The following SLC5A9 variants were observed in gnomAD, a reference collection of about 807,000 sequenced individuals.
SLC5A9 encodes the protein solute carrier family 5 member 9.
SLC5A9 carries 59 observed loss-of-function variants against 70.9 expected under a neutral mutation model. The ratio of observed to expected loss-of-function variants is 0.83; its 90% CI spans 0.68 to 1.03. SLC5A9 has a LOEUF of 1.03. Ranked by LOEUF, SLC5A9 falls within the 50% of genes least tolerant of loss-of-function variation. The pLI is 0.00. For missense variants in SLC5A9, 832 were observed against 881.1 expected, an observed-to-expected ratio of 0.94 and a Z score of 0.71; for synonymous variants, 340 against 346.5, an observed-to-expected ratio of 0.98 and a Z score of 0.21.
Position 48,235,721 on chromosome 1 carries a change from C to T in SLC5A9, c.1142-8C>T, listed in dbSNP as rs745755071. 6.2e-7 allele frequency: 1 copy of T among 1,614,208 alleles called. No individual in the cohort carries two copies. Among genetic ancestry groups the T allele is most frequent in the Admixed American group, 1.7e-5 (1 of 60,032 alleles). On this transcript the variant is annotated splice_region_variant and splice_polypyrimidine_tract_variant and intron_variant, in intron 9 of 13. Coordinates refer to ENST00000438567, the MANE Select transcript of SLC5A9 (RefSeq NM_001011547.3). ...CCAGCCGTTCACATGAGCCTCGTCT[C>T]TCCCCAGGTCTGCGGGGGCTGATGA... is the stretch of plus-strand genomic sequence containing the variant.
In SLC5A9 at chr1:48,227,229, AGT is replaced by A. The variant is rs747060879; in HGVS notation, c.235-1612_235-1611del. On this transcript the variant is annotated intron_variant, in intron 2 of 13. Coordinates refer to ENST00000438567, the MANE Select transcript of SLC5A9 (RefSeq NM_001011547.3). ...GAGTGCATGTGTGTGTGCATGTGTG[AGT>A]GTGTGTGTACTGTGCCTGTGTGTGA... 6.2e-3 allele frequency among the ~76,000 whole-genome samples: 593 copies of A among 96,042 alleles called. 6 individuals are homozygous for A. Among genetic ancestry groups the A allele is most frequent in the Admixed American group, 0.012 (122 of 9,852 alleles). The allele number at this position is 96,042 out of a possible 152,430, so 63.0% of individuals were successfully genotyped here. A position where few individuals can be genotyped will look rare whatever the true frequency, so the allele number is the denominator to read the frequency against.
At chr1:48,238,178 AG>A (rs1644353085) in intron 11 of SLC5A9, among the ~76,000 whole-genome samples, 1 of 152,160 alleles carries the variant, frequency 6.6e-6, no homozygotes, top group African/African-American at 2.4e-5. Flanking sequence ...GGCTCCTGGG[AG>A]GAGTCAGGTA....
chr1:48,229,162 TG>T (rs1213150358), intron 3 of SLC5A9, 132 bp from the exon 4 acceptor site: 2 of 1,613,792 alleles, frequency 1.2e-6, no homozygotes, highest in Non-Finnish European at 1.7e-6. Flanking sequence ...ACGGGAGGAC[TG>T]GGGTCAGGTC....
At position 48,228,911 on chromosome 1, in the gene SLC5A9, CAG is replaced by C; in HGVS notation, c.297_298del (p.Ala101CysfsTer69). 1 of 1,613,622 alleles carries C rather than the reference CAG, an allele frequency of 6.2e-7. No individual in the cohort carries two copies. Among genetic ancestry groups the C allele is most frequent in the Non-Finnish European group, 8.5e-7 (1 of 1,180,006 alleles). On this transcript the variant is annotated frameshift_variant, in exon 3 of 14. Transcript: ENST00000438567. LOFTEE classifies it high-confidence loss of function. ...GGCTTGTTCATCGGCCTGGCTGGGA[CAG>C]GGGCTGCCGGAGGCCTTGCCGTAGG...
intron 11 of SLC5A9, among the ~76,000 whole-genome samples, chr1:48,238,975 A>G: frequency 6.6e-6 from 1 of 152,198 alleles, no homozygotes; most frequent in East Asian, 1.9e-4. Context: ...TTGAATATTA[A>G]CCATCTGTTA....
Position 48,231,607 on chromosome 1 carries a change from C to T in SLC5A9, c.673C>T (p.Leu225=). Residue 225 remains leucine (L), a synonymous_variant, in exon 6 of 14, where the codon CTG becomes TTG. Transcript: ENST00000438567. ...GACGGTGATCATGGTAGGGGGAGCC[C>T]TGGTCCTCATGTTTCTGGGTAAGGA... is the stretch of plus-strand genomic sequence containing the variant. ...LQTVIMVGGA[L]VLMFLGFQDV... The T allele has an allele frequency of 6.2e-7, 1 of 1,614,144 alleles. No individual in the cohort carries two copies.
In SLC5A9 at chr1:48,242,579, G is replaced by A. The variant is rs369610916; in HGVS notation, c.1800G>A (p.Ala600=). 180 of 1,612,762 alleles carry A rather than the reference G, an allele frequency of 1.1e-4. 1 individual carries two copies. The highest frequency in any genetic ancestry group is 1.2e-4 in the Non-Finnish European group (147 of 1,179,494). Residue 600 remains alanine (A), a synonymous_variant, in exon 13 of 14, where the codon GCG becomes GCA. Transcript: ENST00000438567. ...GGGAGTGCCCTGCAGGAGGTGGAGC[G>A]GCAGAGAACTCGAGCCTGGGCCAGG... is the stretch of plus-strand genomic sequence containing the variant. ...PAGECPAGGG[A]AENSSLGQEQ... is the part of the protein sequence containing the mutation.
At position 48,235,884 on chromosome 1, in the gene SLC5A9, G is replaced by A. The variant is rs766859449; in HGVS notation, c.1292+5G>A. The A allele has an allele frequency of 4.1e-5, 66 of 1,613,944 alleles. No homozygotes were observed. The highest frequency in any genetic ancestry group is 4.9e-5 in the Non-Finnish European group (58 of 1,179,986). On this transcript the variant is annotated splice_donor_5th_base_variant and intron_variant, in intron 10 of 13. Coordinates refer to ENST00000438567, the MANE Select transcript of SLC5A9 (RefSeq NM_001011547.3). ...GGAGCTGATGGTGGTGGGCAGGTGC[G>A]CCGGCCCCTCCTTCCCTCCTTCCGA...
chr1:48,229,522 A>G, intron 4 of SLC5A9, 63 bp downstream of exon 4: 2 of 1,588,244 alleles, frequency 1.3e-6, no homozygotes, highest in Non-Finnish European at 1.7e-6. Flanking sequence ...TGCTGAGTGC[A>G]TCACCATGTG....
At position 48,239,680 on chromosome 1, in the gene SLC5A9, G is replaced by A. The variant is rs2148584527; in HGVS notation, c.1677+143G>A. 9.5e-6 allele frequency: 7 copies of A among 740,636 alleles called. No individual in the cohort carries two copies. In the South Asian group the frequency reaches 1.2e-4, roughly 13 times the overall value. 45.9% of individuals were successfully genotyped at this position (740,636 alleles called of 1,614,324 possible). A position where few individuals can be genotyped will look rare whatever the true frequency, so the allele number is the denominator to read the frequency against. On this transcript the variant is annotated intron_variant, in intron 12 of 13. Transcript: ENST00000438567. The surrounding 1 kb of genome is among the most constrained non-coding windows in gnomAD (Gnocchi z 4.2). ...TGTCCTTGGGAGGGAAAGTGCCTTG[G>A]GCTATGAATTCCCCATTGAAAAGTA... is the stretch of plus-strand genomic sequence containing the variant.
intron 8 of SLC5A9, among the ~76,000 whole-genome samples, chr1:48,233,082 G>A (rs980877358): frequency 1.3e-4 from 20 of 151,914 alleles, no homozygotes; most frequent in African/African-American, 3.4e-4. Flanking sequence ...AGAAAAGAAG[G>A]CCAGGCATGG....
chr1:48,230,702 G>C lies in SLC5A9; in HGVS notation c.607G>C (p.Ala203Pro). Residue 203 changes from alanine (A) to proline (P), a missense_variant, in exon 5 of 14, where the codon GCA becomes CCA. Physicochemically the swap from Ala to Pro is conservative, Grantham distance 27 (BLOSUM62 -1). Transcript: ENST00000438567. The stretch of plus-strand genomic sequence containing the variant: ...GGTGGTGACTGCCGTCTACACCATT[G>C]CAGGTAGGCAGAGGGAAGAGGGCAA... ...LLVVTAVYTI[A>P]GGLMAVIYTD... The C allele has an allele frequency of 6.2e-7, 1 of 1,611,966 alleles. No homozygotes were observed. The highest frequency in any genetic ancestry group is 1.1e-5 in the South Asian group (1 of 91,024).
intron 4 of SLC5A9, 21 bp downstream of exon 4, chr1:48,229,480 G>A (rs1331696931): frequency 2.5e-6 from 4 of 1,612,116 alleles, no homozygotes; most frequent in South Asian, 1.1e-5. Flanking sequence ...CTGCAATGTG[G>A]TCACTGTGTC....
In SLC5A9 at chr1:48,247,696, C is replaced by T; in HGVS notation, c.*153C>T. 1 of 715,596 alleles carries T rather than the reference C, an allele frequency of 1.4e-6. No individual in the cohort carries two copies. Among genetic ancestry groups the T allele is most frequent in the Non-Finnish European group, 2.4e-6 (1 of 424,872 alleles). The allele number at this position is 715,596 out of a possible 1,614,324, so 44.3% of individuals were successfully genotyped here. ...TGAAGAGAATCCAACTCAACCTGCA[C>T]ACTTGACAAGTGGAGAAACAGAAGC... On this transcript the variant is annotated 3_prime_UTR_variant, in exon 14 of 14. Transcript: ENST00000438567.
At chr1:48,231,718 G>A in intron 6 of SLC5A9, 93 bp downstream of exon 6, 1 of 1,553,032 alleles carries the variant, frequency 6.4e-7, no homozygotes, top group Non-Finnish European at 8.7e-7. Flanking sequence ...AAACTTTCCA[G>A]TGCATAGAGC....
intron 8 of SLC5A9, among the ~76,000 whole-genome samples, chr1:48,232,770 A>G (rs1644268497): frequency 6.6e-6 from 1 of 151,394 alleles, no homozygotes; most frequent in Admixed American, 6.6e-5. Flanking sequence ...TGGGAGACAG[A>G]GCAAGAGAAA....
At chr1:48,241,982 C>T (rs1224292442) in intron 12 of SLC5A9, 2 of 456,290 alleles carry the variant, frequency 4.4e-6, no homozygotes, top group African/African-American at 4.0e-5. Context: ...CAACATCCTC[C>T]AGGCTGGACC....
At chr1:48,242,335 C>G (rs1458398523) in intron 12 of SLC5A9, 122 bp from the exon 13 acceptor site, 1 of 1,197,566 alleles carries the variant, frequency 8.4e-7, no homozygotes, top group African/African-American at 1.5e-5. Context: ...GACTCCCAGC[C>G]CTGGCCTTGT....
At chr1:48,244,911 A>G (rs1391628571) in intron 13 of SLC5A9, among the ~76,000 whole-genome samples, 4 of 23,384 alleles carry the variant, frequency 1.7e-4, no homozygotes, top group Non-Finnish European at 2.5e-4. Flanking sequence ...TATATATATA[A>G]AACCTCTGTC....
Sources: gnomAD v4.1 joint callset for allele counts (sites outside exome capture counted in the v4.1 genomes callset) on GRCh38, gnomAD v4.1.1 for gene constraint, Gnocchi (gnomAD v3.1) non-coding constraint, MANE v1.5 for transcripts, NCBI Gene and HGNC (gene_info 2026-07-23, HGNC 2026-07-21) for gene names.